The following SLC44A5 variants were observed in gnomAD, a reference collection of about 807,000 sequenced individuals.
SLC44A5 encodes the protein solute carrier family 44 member 5, also known as choline transporter-like protein 5.
In SLC44A5, 57 loss-of-function variants were observed where a neutral mutation model predicts 101.8. The ratio of observed to expected loss-of-function variants is 0.56; its 90% CI spans 0.45 to 0.70. The LOEUF (loss-of-function observed/expected upper bound fraction) is 0.70. SLC44A5 is among the 30% of genes least tolerant of loss of function. The pLI is 0.00. For synonymous variants in SLC44A5, 281 were observed against 290.9 expected (o/e 0.97, Z 0.35); for missense variants, 737 against 853.1 (o/e 0.86, Z 1.70).
chr1:75,390,397 C>G (rs1398627520), intron 3 of SLC44A5, among the ~76,000 whole-genome samples: 1 of 89,280 alleles, frequency 1.1e-5, no homozygotes, highest in African/African-American at 4.9e-5. Flanking sequence ...AACTTAGACA[C>G]AAAAATCCTT....
At chr1:75,711,806 A>C in the SLC44A5 span, among the ~76,000 whole-genome samples, 1 of 152,232 alleles carries the variant, frequency 6.6e-6, no homozygotes, top group Non-Finnish European at 1.5e-5. Flanking sequence ...GCAAGCAGAA[A>C]TGAGCAAGTA....
chr1:75,389,600 A>T (rs565207653), intron 3 of SLC44A5, among the ~76,000 whole-genome samples: 7 of 152,332 alleles, frequency 4.6e-5, no homozygotes, highest in Admixed American at 3.3e-4. Context: ...AAATAAAAAA[A>T]TTCTTTGAAA....
chr1:75,615,834 A>C (rs1353912239), upstream of SLC44A5: 3 of 984,784 alleles, frequency 3.0e-6, no homozygotes, highest in Non-Finnish European at 3.6e-6. Context: ...CGGCGAGGGG[A>C]GGAGGGAGCG....
the SLC44A5 span, among the ~76,000 whole-genome samples, chr1:75,640,419 G>C: frequency 3.3e-5 from 5 of 152,020 alleles, no homozygotes; most frequent in Non-Finnish European, 7.4e-5. Context: ...TTGTTGGCTG[G>C]AGCAAGTCAA....
chr1:75,457,898 G>T (rs934356814), intron 2 of SLC44A5, among the ~76,000 whole-genome samples: 1 of 151,820 alleles, frequency 6.6e-6, no homozygotes, highest in Non-Finnish European at 1.5e-5. Context: ...AACGGAGGGA[G>T]AAACAAGTGG....
the SLC44A5 span, among the ~76,000 whole-genome samples, chr1:75,691,221 C>T: frequency 6.6e-6 from 1 of 152,254 alleles, no homozygotes; most frequent in Non-Finnish European, 1.5e-5. Context: ...CCTCCCCTAG[C>T]CTGAGAGGAA....
intron 3 of SLC44A5, among the ~76,000 whole-genome samples, chr1:75,394,986 G>A (rs183549846): frequency 6.6e-6 from 1 of 152,038 alleles, no homozygotes; most frequent in Non-Finnish European, 1.5e-5. Flanking sequence ...ACCTTGTCTG[G>A]GAGAATGGAA....
intron 2 of SLC44A5, among the ~76,000 whole-genome samples, chr1:75,422,277 G>C (rs997256850): frequency 6.6e-6 from 1 of 152,188 alleles, no homozygotes; most frequent in Non-Finnish European, 1.5e-5. Flanking sequence ...TATCAGGCTA[G>C]TTATGGACAC....
intron 1 of SLC44A5, among the ~76,000 whole-genome samples, chr1:75,548,918 C>A (rs1671792666): frequency 6.6e-6 from 1 of 152,076 alleles, no homozygotes; most frequent in African/African-American, 2.4e-5. Flanking sequence ...AGTCTAAGTT[C>A]ATTAGTGTTT....
intron 23 of SLC44A5, among the ~76,000 whole-genome samples, chr1:75,210,101 C>T (rs1377228708): frequency 1.3e-5 from 2 of 151,710 alleles, no homozygotes; most frequent in Non-Finnish European, 2.9e-5. Flanking sequence ...GGCTGGAATA[C>T]AGTGGCACTA....
At chr1:75,647,525 C>T in the SLC44A5 span, among the ~76,000 whole-genome samples, 1 of 152,176 alleles carries the variant, frequency 6.6e-6, no homozygotes, top group Admixed American at 6.5e-5. Flanking sequence ...TGACAGCTTG[C>T]ACCGTGCACC....
intron 12 of SLC44A5, among the ~76,000 whole-genome samples, chr1:75,228,645 T>C (rs1647295855): frequency 1.3e-5 from 2 of 151,916 alleles, no homozygotes; most frequent in South Asian, 4.2e-4. Flanking sequence ...CCAATTCTTG[T>C]CTTTTAAAAA....
At chr1:75,307,672 G>C (rs1175270865) in intron 4 of SLC44A5, among the ~76,000 whole-genome samples, 1 of 152,130 alleles carries the variant, frequency 6.6e-6, no homozygotes, top group South Asian at 2.1e-4. Context: ...AAGAGCTTGC[G>C]TTTGAAAGCA....
intron 20 of SLC44A5, 89 bp downstream of exon 20, chr1:75,214,516 C>T (rs1646922619): frequency 1.1e-6 from 1 of 940,714 alleles, no homozygotes; most frequent in South Asian, 1.8e-5. Context: ...CCAATAATGC[C>T]ACCAACACTT....
intron 1 of SLC44A5, among the ~76,000 whole-genome samples, chr1:75,570,702 C>T (rs1344756660): frequency 2.6e-5 from 4 of 152,122 alleles, no homozygotes; most frequent in Non-Finnish European, 5.9e-5. Context: ...TTTGCTGACC[C>T]CTGGTTTATG....
chr1:75,380,585 G>A (rs1259603526), intron 3 of SLC44A5, among the ~76,000 whole-genome samples: 1 of 82,974 alleles, frequency 1.2e-5, no homozygotes, highest in Admixed American at 1.2e-4. Context: ...ATTATTCAAG[G>A]AAAACTAATT....
chr1:75,719,492 C>A, the SLC44A5 span, among the ~76,000 whole-genome samples: 2 of 152,034 alleles, frequency 1.3e-5, no homozygotes, highest in Admixed American at 6.5e-5. Context: ...TAGATTCTAG[C>A]CCTGACCACT....
chr1:75,281,770 A>C (rs1334585267), intron 5 of SLC44A5, among the ~76,000 whole-genome samples: 1 of 151,916 alleles, frequency 6.6e-6, no homozygotes, highest in Non-Finnish European at 1.5e-5. Context: ...AGCCTTGGCA[A>C]CTTCCATATG....
At chr1:75,713,430 A>G in the SLC44A5 span, among the ~76,000 whole-genome samples, 1 of 152,160 alleles carries the variant, frequency 6.6e-6, no homozygotes, top group Non-Finnish European at 1.5e-5. Context: ...ATATGACTAC[A>G]TATAAGATTT....
Sources: gnomAD v4.1 joint callset for allele counts (sites outside exome capture counted in the v4.1 genomes callset) on GRCh38, gnomAD v4.1.1 for gene constraint, MANE v1.5 for transcripts, NCBI Gene and HGNC (gene_info 2026-07-23, HGNC 2026-07-21) for gene names.